Variants in ZNF407 observed in about 807,000 individuals in gnomAD.
ZNF407 encodes the protein zinc finger protein 407.
Under a neutral mutation model 131.2 loss-of-function variants are expected in ZNF407, and 17 were observed. The ratio of observed to expected loss-of-function variants is 0.13; its 90% CI spans 0.09 to 0.19. The LOEUF (loss-of-function observed/expected upper bound fraction) is 0.19. ZNF407 is among the 10% of genes least tolerant of loss of function. The probability of loss-of-function intolerance (pLI) is 1.00; values close to 1 mark genes in which losing one functional copy is unlikely to be tolerated. For synonymous variants in ZNF407, 1,156 were observed against 1,062.0 expected, an observed-to-expected ratio of 1.09 and a Z score of -1.72; for missense variants, 2,681 against 2,830.6, an observed-to-expected ratio of 0.95 and a Z score of 1.20.
intron 4 of ZNF407, among the ~76,000 whole-genome samples, chr18:74,820,041 T>G (rs1266739761): frequency 6.6e-6 from 1 of 152,130 alleles, no homozygotes; most frequent in Non-Finnish European, 1.5e-5. Context: ...GTGTAGAGTA[T>G]TACAGAAGAA....
rs1351779179 is a variant in ZNF407, at chr18:74,837,056, AG to A, written c.4878-40140del. Among the ~76,000 whole-genome samples, 10 of 152,366 alleles carry A rather than the reference AG, an allele frequency of 6.6e-5. No homozygotes were observed. In the East Asian group the frequency reaches 1.5e-3, roughly 23 times the overall value. On this transcript the variant is annotated intron_variant, in intron 4 of 8. Transcript: ENST00000299687. ...AGAGGTCATTTTCCTGAGGATAAAT[AG>A]TGGGACAAAAGACAATTAAAGATTC...
At chr18:74,927,004 A>T (rs541471671) in intron 8 of ZNF407, among the ~76,000 whole-genome samples, 2 of 152,254 alleles carry the variant, frequency 1.3e-5, no homozygotes, top group South Asian at 4.1e-4. Flanking sequence ...AATGGTTGTT[A>T]TGTATGGTTT....
intron 3 of ZNF407, among the ~76,000 whole-genome samples, chr18:74,767,723 G>T (rs555957930): frequency 7.0e-6 from 1 of 142,488 alleles, no homozygotes; most frequent in Non-Finnish European, 1.5e-5. Context: ...GTGCGATTTC[G>T]GCTCACTGCA....
rs1351238223 is a variant in ZNF407, at chr18:74,934,765, C to T, written c.5428+14073C>T. Among the ~76,000 whole-genome samples, 3 of 152,320 alleles carry T rather than the reference C, an allele frequency of 2.0e-5. No individual in the cohort carries two copies. In the East Asian group the frequency reaches 5.8e-4, roughly 29 times the overall value. ...AGGTTGCAGTGAGCCGAGATCATGCCACTGCACTCCAGCCTGGGCGACAGA... is the reference window on the plus strand; with the variant it reads ...AGGTTGCAGTGAGCCGAGATCATGCTACTGCACTCCAGCCTGGGCGACAGA... On this transcript the variant is annotated intron_variant, in intron 8 of 8. Coordinates refer to ENST00000299687, the MANE Select transcript of ZNF407 (RefSeq NM_017757.3).
chr18:74,734,308 G>A (rs8096488), intron 3 of ZNF407, among the ~76,000 whole-genome samples: 137,038 of 152,232 alleles, frequency 0.9, 61,701 homozygotes, highest in Non-Finnish European at 0.9. Context: ...TTGCACAATT[G>A]TGTAAGCACT....
chr18:74,704,154 T>G (rs1217955166), intron 3 of ZNF407, among the ~76,000 whole-genome samples: 1 of 152,198 alleles, frequency 6.6e-6, no homozygotes, highest in Non-Finnish European at 1.5e-5. Flanking sequence ...TGTCAGCACT[T>G]CTGATTTTGT....
chr18:74,976,180 C>A (rs1263559068), intron 8 of ZNF407, among the ~76,000 whole-genome samples: 1 of 152,158 alleles, frequency 6.6e-6, no homozygotes, highest in Non-Finnish European at 1.5e-5. Flanking sequence ...TGTTGGATAG[C>A]CCCCTTGCAG....
Position 74,631,537 on chromosome 18 carries a change from T to G in ZNF407, c.518T>G (p.Ile173Ser), listed in dbSNP as rs781312840. 4 of 1,613,640 alleles carry G rather than the reference T, an allele frequency of 2.5e-6. No individual in the cohort carries two copies. The East Asian group carries it at 6.7e-5, about 27-fold the overall frequency. ...ERESPFPPKE[I>S]SVSCTIGNVD... ...GAATCTCCTTTCCCCCCGAAAGAAA[T>G]TAGTGTTAGTTGTACCATTGGGAAT... Residue 173 changes from isoleucine (I) to serine (S), a missense_variant, in exon 2 of 9, where the codon ATT (isoleucine) becomes AGT (serine). Around this residue, in one of 6 missense-constraint regions of ZNF407, gnomAD observed 1,789 missense variants for 1,748.7 expected, o/e 1.02. Transcript: ENST00000299687.
intron 4 of ZNF407, among the ~76,000 whole-genome samples, chr18:74,865,976 A>C (rs147124539): frequency 6.6e-6 from 1 of 152,198 alleles, no homozygotes; most frequent in Non-Finnish European, 1.5e-5. Context: ...TTTATTAACT[A>C]CTTATTCTCA....
chr18:74,635,443 G>C lies in ZNF407; in HGVS notation c.4424G>C (p.Ser1475Thr), dbSNP rs1251816213. 1.2e-6 allele frequency: 2 copies of C among 1,613,634 alleles called. No individual in the cohort carries two copies. Among genetic ancestry groups the C allele is most frequent in the Non-Finnish European group, 1.7e-6 (2 of 1,179,686 alleles). Residue 1475 changes from serine (S) to threonine (T), a missense_variant, in exon 2 of 9, where the codon AGT (serine) becomes ACT (threonine). Coordinates refer to ENST00000299687, the MANE Select transcript of ZNF407 (RefSeq NM_017757.3). The surrounding 1 kb of genome is among the most constrained non-coding windows in gnomAD (Gnocchi z 4.7). Reference sequence around the variant, plus strand: ...GGCCACATGAGAAATGAGCAGGCCAGTGTGGAGGAGCTTCCGGAGGGAGGG... The same window carrying C: ...GGCCACATGAGAAATGAGCAGGCCACTGTGGAGGAGCTTCCGGAGGGAGGG... ...SAGHMRNEQASVEELPEGGAT... is the reference protein window; with the variant it reads ...SAGHMRNEQATVEELPEGGAT...
intron 3 of ZNF407, among the ~76,000 whole-genome samples, chr18:74,765,973 A>G (rs1404603419): frequency 2.0e-5 from 3 of 151,926 alleles, no homozygotes; most frequent in African/African-American, 7.3e-5. Flanking sequence ...GGATTCACTC[A>G]GACATTTAGA....
intron 3 of ZNF407, among the ~76,000 whole-genome samples, chr18:74,762,522 A>G (rs1420586310): frequency 1.3e-5 from 2 of 152,066 alleles, no homozygotes; most frequent in Non-Finnish European, 1.5e-5. Flanking sequence ...TACCTCAAAC[A>G]AGATTATGAT....
intron 3 of ZNF407, among the ~76,000 whole-genome samples, chr18:74,755,703 C>T (rs1253972784): frequency 2.1e-5 from 3 of 145,476 alleles, no homozygotes; most frequent in African/African-American, 7.6e-5. Context: ...ATTCTTCTGC[C>T]TCAGCCTGCC....
chr18:74,670,874 C>A (rs1040644089), intron 3 of ZNF407, among the ~76,000 whole-genome samples: 3 of 152,202 alleles, frequency 2.0e-5, no homozygotes, highest in Non-Finnish European at 4.4e-5. Flanking sequence ...CTGTGTTGCC[C>A]AGGCTGGTCT....
chr18:74,606,023 G>A (rs902133534), intron 1 of ZNF407, among the ~76,000 whole-genome samples: 1 of 152,216 alleles, frequency 6.6e-6, no homozygotes, highest in Non-Finnish European at 1.5e-5. Flanking sequence ...AGAGGAAAGA[G>A]GCCATGGTTT....
At chr18:74,803,373 C>T (rs1296762906) in intron 4 of ZNF407, among the ~76,000 whole-genome samples, 1 of 152,114 alleles carries the variant, frequency 6.6e-6, no homozygotes, top group African/African-American at 2.4e-5. Flanking sequence ...TGGTGCTGGT[C>T]CTGTCATCGA....
At chr18:74,863,122 T>C (rs935116442) in intron 4 of ZNF407, among the ~76,000 whole-genome samples, 1 of 151,824 alleles carries the variant, frequency 6.6e-6, no homozygotes, top group Non-Finnish European at 1.5e-5. Flanking sequence ...GGTTTCACCA[T>C]GTTGACCAGG....
chr18:74,672,479 C>CTGTTTGTT lies in ZNF407; in HGVS notation c.4802+31357_4802+31358insTGTTTGTT, dbSNP rs1986184212. On this transcript the variant is annotated intron_variant, in intron 3 of 8. Coordinates refer to ENST00000299687, the MANE Select transcript of ZNF407 (RefSeq NM_017757.3). ...GGAGCACTGTTTGTTCATTGGAGCACCGTTTGTCTGTTCGTTGGAGCACTG... is the reference window on the plus strand; with the variant it reads ...GGAGCACTGTTTGTTCATTGGAGCACTGTTTGTTCGTTTGTCTGTTCGTTGGAGCACTG... Among the ~76,000 whole-genome samples the CTGTTTGTT allele has an allele frequency of 9.2e-5, 7 of 75,774 alleles. No individual in the cohort carries two copies. The East Asian group carries it at 2.1e-3, about 23-fold the overall frequency. The allele number at this position is 75,774 out of a possible 152,430, so 49.7% of individuals were successfully genotyped here. A position where few individuals can be genotyped will look rare whatever the true frequency, so the allele number is the denominator to read the frequency against.
chr18:74,609,529 T>C (rs568536030), intron 1 of ZNF407, among the ~76,000 whole-genome samples: 1 of 152,198 alleles, frequency 6.6e-6, no homozygotes, highest in Non-Finnish European at 1.5e-5. Context: ...AAAAAAGGTA[T>C]ACTTGTTTAG....
Sources: allele counts gnomAD v4.1 joint callset (sites outside exome capture counted in the v4.1 genomes callset), GRCh38; gene constraint gnomAD v4.1.1; regional missense constraint gnomAD v4.1.1; non-coding constraint Gnocchi (gnomAD v3.1); transcripts MANE v1.5; gene names NCBI Gene and HGNC (gene_info 2026-07-23, HGNC 2026-07-21).